Variants in POLA1 observed in about 807,000 individuals in gnomAD.
POLA1 encodes the protein DNA polymerase alpha 1, catalytic subunit.
A neutral mutation model predicts 124.0 loss-of-function variants in POLA1; 15 were observed. The observed-to-expected ratio is 0.12, with a 90% CI of 0.08 to 0.19. POLA1 has a LOEUF of 0.19. Among genes scored for constraint, POLA1 ranks in the 10% least tolerant of loss-of-function variants. The pLI is 1.00. For synonymous variants in POLA1, 408 were observed against 389.4 expected (o/e 1.05, Z -0.56); for missense variants, 886 against 1,103.4 (o/e 0.80, Z 2.79).
chrX:24,863,830 C>T (rs1369541808), intron 34 of POLA1, among the ~76,000 whole-genome samples: 1 of 111,146 alleles, frequency 9.0e-6, no homozygotes, highest in African/African-American at 3.3e-5. Context: ...TCTCTCTGTT[C>T]TAGGCCTCAC....
intron 36 of POLA1, among the ~76,000 whole-genome samples, chrX:24,935,511 G>C (rs1279644385): frequency 8.8e-6 from 1 of 113,058 alleles, no homozygotes; most frequent in Non-Finnish European, 1.9e-5. Flanking sequence ...CTCACAAAGT[G>C]CTATGGGCAG....
Position 24,726,015 on chromosome X carries a change from A to G in POLA1, c.1352A>G (p.Asp451Gly). Residue 451 changes from aspartate to glycine, a missense_variant, in exon 13 of 37, where the codon GAT becomes GGT. Asp to Gly is a moderately conservative substitution (Grantham distance 94, BLOSUM62 -1). Transcript: ENST00000379068. ...VEKNYAFEIP[D>G]VPEKSEYLEV... ...AAGAACTATGCTTTTGAGATACCTG[A>G]TGTTCCAGAAAAATCTGAGTACTTG... The G allele has an allele frequency of 8.4e-7, 1 of 1,184,365 alleles. No homozygotes were observed. Among genetic ancestry groups the G allele is most frequent in the Non-Finnish European group, 1.1e-6 (1 of 872,062 alleles).
chrX:24,771,656 T>C (rs2045038213), intron 26 of POLA1, among the ~76,000 whole-genome samples: 1 of 111,867 alleles, frequency 8.9e-6, no homozygotes, highest in South Asian at 3.7e-4. Flanking sequence ...AGAAAACTGC[T>C]AAGCAATTTT....
chrX:24,865,011 G>A (rs752236723), intron 34 of POLA1, among the ~76,000 whole-genome samples: 3 of 111,665 alleles, frequency 2.7e-5, no homozygotes, highest in African/African-American at 9.7e-5. Flanking sequence ...ATTTTTACAG[G>A]TAAGGAAGCT....
In POLA1 at chrX:24,818,840, A is replaced by G. The variant is rs768486942; in HGVS notation, c.3430-2612A>G. 3.6e-5 allele frequency among the ~76,000 whole-genome samples: 4 copies of G among 112,412 alleles called. No homozygotes were observed. In the East Asian group the frequency reaches 1.1e-3, roughly 31 times the overall value. On this transcript the variant is annotated intron_variant, in intron 30 of 36. Transcript: ENST00000379068. The stretch of plus-strand genomic sequence containing the variant: ...TTTAATGTCTAGCTCAGTAGACGAC[A>G]TCTGGGTTTTCATTTCTGCTTCTGC...
chrX:24,698,184 C>T (rs1928155906), intron 1 of POLA1, among the ~76,000 whole-genome samples: 1 of 111,167 alleles, frequency 9.0e-6, no homozygotes, highest in African/African-American at 3.3e-5. Flanking sequence ...TCAGGTGATC[C>T]ACCCACCTCA....
intron 30 of POLA1, among the ~76,000 whole-genome samples, chrX:24,815,990 A>T (rs914184910): frequency 8.9e-6 from 1 of 112,284 alleles, no homozygotes; most frequent in Admixed American, 9.4e-5. Flanking sequence ...TAAAAATCAA[A>T]TTAATCAGTG....
rs1222984310 is a variant in POLA1, at chrX:24,743,897, C to CT, written c.2566+580dup. Among the ~76,000 whole-genome samples the CT allele has an allele frequency of 4.2e-3, 424 of 101,225 alleles. 4 individuals are homozygous for CT. Among genetic ancestry groups the CT allele is most frequent in the African/African-American group, 0.012 (333 of 28,135 alleles). The allele number at this position is 101,225 out of a possible 115,157, so 87.9% of individuals were successfully genotyped here. A position where few individuals can be genotyped will look rare whatever the true frequency, so the allele number is the denominator to read the frequency against. On this transcript the variant is annotated intron_variant, in intron 23 of 36. Coordinates refer to ENST00000379068, the MANE Select transcript of POLA1 (RefSeq NM_001330360.2). ...AGAAATAATTTTTTTTTCTTTTTTTCTTTTTTTTTTTTGGAGACAGAGTTT... is the reference window on the plus strand; with the variant it reads ...AGAAATAATTTTTTTTTCTTTTTTTCTTTTTTTTTTTTTGGAGACAGAGTTT...
At chrX:24,709,141 C>G (rs1296195157) in intron 4 of POLA1, among the ~76,000 whole-genome samples, 1 of 71,871 alleles carries the variant, frequency 1.4e-5, no homozygotes, top group African/African-American at 5.6e-5. Context: ...TAGGGGCGGC[C>G]GGGCAGAGGC....
chrX:24,811,751 A>G (rs941589001), intron 28 of POLA1, among the ~76,000 whole-genome samples: 1 of 110,465 alleles, frequency 9.1e-6, no homozygotes, highest in Non-Finnish European at 1.9e-5. Flanking sequence ...ATTGTGATTC[A>G]TATGTCTGGT....
chrX:24,890,674 C>T (rs2047132955), intron 35 of POLA1, among the ~76,000 whole-genome samples: 1 of 112,476 alleles, frequency 8.9e-6, no homozygotes, highest in Non-Finnish European at 1.9e-5. Flanking sequence ...GCCTTTCTAA[C>T]ATTTGGACAC....
chrX:24,867,543 T>A, intron 34 of POLA1, among the ~76,000 whole-genome samples: 1 of 112,105 alleles, frequency 8.9e-6, no homozygotes, highest in East Asian at 2.8e-4. Flanking sequence ...TTTGTATTTT[T>A]AAATACATGA....
rs1207685223 is a variant in POLA1, at chrX:24,867,123, G to A, written c.4048-20883G>A. ...ATTTGCATAAGTGATTTATTGTTTT[G>A]ACATTTATAATTTTTGTTCTAGTCT... On this transcript the variant is annotated intron_variant, in intron 34 of 36. Transcript: ENST00000379068. 2.7e-5 allele frequency among the ~76,000 whole-genome samples: 3 copies of A among 110,360 alleles called. No individual in the cohort carries two copies. The East Asian group carries it at 8.5e-4, about 31-fold the overall frequency.
At chrX:24,698,338 A>G (rs908524251) in intron 1 of POLA1, among the ~76,000 whole-genome samples, 1 of 112,016 alleles carries the variant, frequency 8.9e-6, no homozygotes, top group African/African-American at 3.2e-5. Flanking sequence ...GTCCTCTGAT[A>G]TTTCAGTAAT....
At chrX:24,916,732 G>T (rs112874125) in intron 35 of POLA1, among the ~76,000 whole-genome samples, 32 of 112,101 alleles carry the variant, frequency 2.9e-4, no homozygotes, top group African/African-American at 9.4e-4. Flanking sequence ...TTTTTGAGTT[G>T]CAAAAGCTTA....
At chrX:24,972,540 A>T (rs1783094738) in intron 36 of POLA1, among the ~76,000 whole-genome samples, 1 of 111,787 alleles carries the variant, frequency 8.9e-6, no homozygotes, top group South Asian at 3.8e-4. Flanking sequence ...AAGTCTAGCA[A>T]CCTGAACTGA....
At chrX:24,742,983 AAC>A (rs768609599) in intron 22 of POLA1, among the ~76,000 whole-genome samples, 2 of 112,344 alleles carry the variant, frequency 1.8e-5, no homozygotes, top group African/African-American at 3.2e-5. Context: ...TAAATTCAAA[AAC>A]ACATAAAAAT....
At chrX:24,983,066 G>C (rs948285819) in intron 36 of POLA1, among the ~76,000 whole-genome samples, 1 of 112,010 alleles carries the variant, frequency 8.9e-6, no homozygotes, top group Non-Finnish European at 1.9e-5. Context: ...CTTCTAAAGA[G>C]TATGTGTTCA....
chrX:24,749,702 AAGG>A (rs1273595375), intron 26 of POLA1, among the ~76,000 whole-genome samples: 1 of 111,915 alleles, frequency 8.9e-6, no homozygotes, highest in African/African-American at 3.2e-5. Context: ...CAGACATAAT[AAGG>A]AGGCCATTGG....
Sources: allele counts gnomAD v4.1 joint callset (sites outside exome capture counted in the v4.1 genomes callset), GRCh38; gene constraint gnomAD v4.1.1; transcripts MANE v1.5; gene names NCBI Gene and HGNC (gene_info 2026-07-23, HGNC 2026-07-21).